The following ASB15 variants were observed in gnomAD, a reference collection of about 807,000 sequenced individuals.
ASB15 encodes ankyrin repeat and SOCS box containing 15, also known as ankyrin repeat and SOCS box protein 15.
Under a neutral mutation model 58.0 loss-of-function variants are expected in ASB15, and 54 were observed. The ratio of observed to expected loss-of-function variants is 0.93; its 90% confidence interval spans 0.75 to 1.17. The LOEUF is 1.17. Among genes scored for constraint, ASB15 ranks in the 50% most tolerant of loss-of-function variants. The pLI, the probability that ASB15 is intolerant of heterozygous loss-of-function variation, is 0.00. For synonymous variants in ASB15, 249 were observed against 262.4 expected (o/e 0.95, Z 0.50); for missense variants, 680 against 707.4 (o/e 0.96, Z 0.44).
intron 1 of ASB15, among the ~76,000 whole-genome samples, chr7:123,594,705 C>G (rs1301490982): frequency 6.6e-6 from 1 of 152,178 alleles, no homozygotes; most frequent in Non-Finnish European, 1.5e-5. Context: ...TCAGCCCCTA[C>G]TGGGAGGAGT....
In ASB15 at chr7:123,636,876, C is replaced by G; in HGVS notation, c.1662C>G (p.Leu554=). ...KIRRLMGLQK[L]CQPASVEKLP... ...GAAGGCTTATGGGTCTCCAGAAACT[C>G]TGCCAGCCAGCCTCAGTGGAGAAGC... is the stretch of plus-strand genomic sequence containing the variant. The change falls in exon 12 of 12, where the codon CTC becomes CTG. Residue 554 remains leucine, a synonymous_variant. Coordinates refer to ENST00000451215, the MANE Select transcript of ASB15 (RefSeq NM_001290258.2). 1 of 1,608,838 alleles carries G rather than the reference C, an allele frequency of 6.2e-7. No homozygotes were observed. The highest frequency in any genetic ancestry group is 8.5e-7 in the Non-Finnish European group (1 of 1,175,262).
At chr7:123,632,515 G>A (rs1024639023) in intron 11 of ASB15, among the ~76,000 whole-genome samples, 3 of 152,100 alleles carry the variant, frequency 2.0e-5, no homozygotes, top group African/African-American at 2.4e-5. Context: ...GTTGTTTGGC[G>A]GTGATTTCTG....
intron 1 of ASB15, among the ~76,000 whole-genome samples, chr7:123,594,286 C>T (rs1333964894): frequency 1.3e-5 from 2 of 152,076 alleles, no homozygotes; most frequent in Non-Finnish European, 2.9e-5. Context: ...TCTGTCAACT[C>T]GTCAAACTCA....
intron 7 of ASB15, among the ~76,000 whole-genome samples, chr7:123,620,550 A>G (rs1385449375): frequency 1.6e-4 from 3 of 18,298 alleles, no homozygotes; most frequent in African/African-American, 2.4e-4. Context: ...ATATATATAT[A>G]TATATTTTTT....
rs1800014732 is a variant in ASB15 at position 123,604,013 on chromosome 7, T to G, written c.-244-19T>G. 6.6e-6 allele frequency: 1 copy of G among 152,338 alleles called. No individual in the cohort carries two copies. The highest frequency in any genetic ancestry group is 1.9e-4 in the East Asian group (1 of 5,178). The allele number at this position is 152,338 out of a possible 1,614,324, so 9.4% of individuals were successfully genotyped here. A position where few individuals can be genotyped will look rare whatever the true frequency, so the allele number is the denominator to read the frequency against. On this transcript the variant is annotated intron_variant, in intron 1 of 11. Coordinates refer to ENST00000451215, the MANE Select transcript of ASB15 (RefSeq NM_001290258.2). ...AGTGTCACTTTTAGAAAGAAATGGA[T>G]AAACAAATGTGTTTCCAGGAAAGCA...
intron 1 of ASB15, among the ~76,000 whole-genome samples, chr7:123,577,989 C>T (rs923769817): frequency 5.9e-5 from 9 of 151,482 alleles, no homozygotes; most frequent in African/African-American, 2.2e-4. Flanking sequence ...ATTTGCTGCA[C>T]CCATCAACCC....
At chr7:123,575,957 G>C (rs17146125) in intron 1 of ASB15, among the ~76,000 whole-genome samples, 33,479 of 150,270 alleles carry the variant, frequency 0.22, 4,182 homozygotes, top group East Asian at 0.27. Context: ...AAATTTTCTT[G>C]ATTTATGACT....
At chr7:123,628,576 T>A (rs944288607) in intron 9 of ASB15, among the ~76,000 whole-genome samples, 3 of 152,170 alleles carry the variant, frequency 2.0e-5, no homozygotes, top group East Asian at 3.8e-4. Context: ...CAGAGGAGAA[T>A]TGGAAGATGG....
intron 1 of ASB15, among the ~76,000 whole-genome samples, chr7:123,591,658 C>T (rs753598782): frequency 6.6e-6 from 1 of 152,084 alleles, no homozygotes; most frequent in Non-Finnish European, 1.5e-5. Flanking sequence ...CCAACTTGAT[C>T]GTGGTGGATA....
intron 7 of ASB15, among the ~76,000 whole-genome samples, chr7:123,618,745 T>TA (rs140899216): frequency 2.0e-5 from 3 of 151,654 alleles, no homozygotes; most frequent in Non-Finnish European, 2.9e-5. Context: ...AGGAATCACT[T>TA]AAAAAAAAAT....
At chr7:123,598,475 T>A (rs774205171), upstream of ASB15, among the ~76,000 whole-genome samples, 1 of 152,002 alleles carries the variant, frequency 6.6e-6, no homozygotes, top group Non-Finnish European at 1.5e-5. Context: ...TTCACAATAG[T>A]GAAAATTAAG....
intron 8 of ASB15, among the ~76,000 whole-genome samples, chr7:123,625,166 G>C (rs1801693022): frequency 6.6e-6 from 1 of 152,136 alleles, no homozygotes; most frequent in Non-Finnish European, 1.5e-5. Context: ...CTCTCAACAG[G>C]ATTGAAAGAT....
intron 9 of ASB15, 40 bp downstream of exon 9, chr7:123,627,321 T>C: frequency 6.5e-7 from 1 of 1,531,208 alleles, no homozygotes; most frequent in East Asian, 2.3e-5. Context: ...GAGTTAAAAA[T>C]GCTAATTTGT....
intron 7 of ASB15, chr7:123,622,965 T>C (rs1465137762): frequency 6.6e-6 from 1 of 152,250 alleles, no homozygotes; most frequent in Non-Finnish European, 1.5e-5. Context: ...TGGGAGCTGC[T>C]TTCCTTGCCT....
intron 1 of ASB15, among the ~76,000 whole-genome samples, chr7:123,586,465 A>AT (rs1428316253): frequency 6.6e-6 from 1 of 151,526 alleles, no homozygotes; most frequent in Non-Finnish European, 1.5e-5. Flanking sequence ...TTCCTTATAT[A>AT]TTTTGGATAT....
rs199863755 is a variant in ASB15 at position 123,623,930 on chromosome 7, G to T, written c.452-639G>T. Among the ~76,000 whole-genome samples, 5 of 35,348 alleles carry T rather than the reference G, an allele frequency of 1.4e-4. 1 individual carries two copies. The highest frequency in any genetic ancestry group is 4.3e-4 in the African/African-American group (5 of 11,636). 23.2% of individuals were successfully genotyped at this position (35,348 alleles called of 152,430 possible). On this transcript the variant is annotated intron_variant, in intron 7 of 11. Coordinates refer to ENST00000451215, the MANE Select transcript of ASB15 (RefSeq NM_001290258.2). Reference sequence around the variant, plus strand: ...AGGAAGGAAGGAAGGAAGAAAGAAAGAAAAGAAAGAAAGAAAGAAAGAAAG... The same window carrying T: ...AGGAAGGAAGGAAGGAAGAAAGAAATAAAAGAAAGAAAGAAAGAAAGAAAG...
rs772100743 is a variant in ASB15, at chr7:123,624,802, C to A, written c.685C>A (p.Leu229Ile). Reference sequence around the variant, plus strand: ...TGGTCACTGTGACGTGTTAGAACATCTAATCCACAAAGGTATGTGAAAAGG... The same window carrying A: ...TGGTCACTGTGACGTGTTAGAACATATAATCCACAAAGGTATGTGAAAAGG... ...EYGHCDVLEH[L>I]IHKGGDVLAL... The change falls in exon 8 of 12, where the codon CTA (leucine) becomes ATA (isoleucine). Residue 229 changes from leucine to isoleucine, a missense_variant. By Grantham distance (5) the Leu-to-Ile change is conservative. Coordinates refer to ENST00000451215, the MANE Select transcript of ASB15 (RefSeq NM_001290258.2). 1.2e-6 allele frequency: 2 copies of A among 1,613,844 alleles called. No homozygotes were observed. The highest frequency in any genetic ancestry group is 8.5e-7 in the Non-Finnish European group (1 of 1,179,866).
chr7:123,633,117 T>TA (rs1802209525), intron 11 of ASB15, among the ~76,000 whole-genome samples: 3 of 152,132 alleles, frequency 2.0e-5, no homozygotes, highest in Admixed American at 2.0e-4. Context: ...AAATGGCCTT[T>TA]AGACAACCCA....
chr7:123,618,022 T>C (rs1263473594), intron 7 of ASB15, among the ~76,000 whole-genome samples: 2 of 152,160 alleles, frequency 1.3e-5, no homozygotes, highest in Non-Finnish European at 2.9e-5. Context: ...TTTAAAGGAA[T>C]ATTCTCTAGG....
Sources: allele counts gnomAD v4.1 joint callset (sites outside exome capture counted in the v4.1 genomes callset), GRCh38; gene constraint gnomAD v4.1.1; transcripts MANE v1.5; gene names NCBI Gene and HGNC (gene_info 2026-07-23, HGNC 2026-07-21).